Variants in SCN7A observed in about 807,000 individuals in gnomAD.
SCN7A encodes the protein sodium channel protein type 7 subunit alpha.
A neutral mutation model predicts 155.2 loss-of-function variants in SCN7A; 138 were observed. The ratio of observed to expected loss-of-function variants is 0.89; its 90% CI spans 0.77 to 1.02. The LOEUF (loss-of-function observed/expected upper bound fraction) is 1.02, where lower values mean the gene tolerates loss of function less well. Among genes scored for constraint, SCN7A ranks in the 50% least tolerant of loss-of-function variants. SCN7A has a pLI of 0.00. For synonymous variants in SCN7A, 693 were observed against 649.0 expected (o/e 1.07, Z -1.03); for missense variants, 2,058 against 1,986.6 (o/e 1.04, Z -0.68).
At chr2:166,463,947 T>C (rs1702467841) in intron 9 of SCN7A, among the ~76,000 whole-genome samples, 1 of 151,882 alleles carries the variant, frequency 6.6e-6, no homozygotes, top group Non-Finnish European at 1.5e-5. Context: ...TCCCAGCTAC[T>C]TGAGAGGCAG....
chr2:166,483,933 T>TA (rs1166759040), intron 2 of SCN7A, among the ~76,000 whole-genome samples: 1 of 151,962 alleles, frequency 6.6e-6, no homozygotes, highest in African/African-American at 2.4e-5. Context: ...GTGCAGCCAC[T>TA]AAAAAAGATT....
intron 21 of SCN7A, chr2:166,414,478 T>TAC: frequency 7.1e-6 from 1 of 139,982 alleles, no homozygotes; most frequent in African/African-American, 2.6e-5. Context: ...TATATATATA[T>TAC]ATATATATCT....
At position 166,406,463 on chromosome 2, in the gene SCN7A, A is replaced by G; in HGVS notation, c.4166T>C (p.Leu1389Pro). 6.2e-7 allele frequency: 1 copy of G among 1,612,910 alleles called. No homozygotes were observed. The highest frequency in any genetic ancestry group is 8.5e-7 in the Non-Finnish European group (1 of 1,179,316). Residue 1389 changes from leucine (L) to proline (P), a missense_variant, in exon 26 of 26, where the codon CTG (leucine) becomes CCG (proline). Transcript: ENST00000643258. ...ALLNIILLIF[L>P]VMFIYAVFGM... ...AAATACGGCATAGATGAACATGACC[A>G]GGAAGATGAGAAGAATGATGTTCAA...
At chr2:166,424,566 T>G (rs558225096) in intron 18 of SCN7A, among the ~76,000 whole-genome samples, 1 of 152,214 alleles carries the variant, frequency 6.6e-6, no homozygotes, top group African/African-American at 2.4e-5. Flanking sequence ...GCAAGATACG[T>G]AACTTAGGAT....
chr2:166,408,502 G>A (rs528658983), intron 25 of SCN7A, among the ~76,000 whole-genome samples: 3 of 152,092 alleles, frequency 2.0e-5, no homozygotes, highest in South Asian at 2.1e-4. Context: ...GACTGCAATT[G>A]CTTTTCCTTC....
intron 1 of SCN7A, among the ~76,000 whole-genome samples, chr2:166,493,387 GA>G (rs1423290076): frequency 7.2e-5 from 11 of 152,098 alleles, no homozygotes; most frequent in African/African-American, 2.7e-4. Context: ...AAAACCTCCA[GA>G]AGAGATGCAT....
chr2:166,447,615 C>G lies in SCN7A; in HGVS notation c.1384G>C (p.Glu462Gln), dbSNP rs756217412. The G allele has an allele frequency of 6.2e-7, 1 of 1,603,192 alleles. No individual in the cohort carries two copies. The highest frequency in any genetic ancestry group is 1.7e-5 in the Admixed American group (1 of 59,816). ...GTCTACTTATTTAGTACTTTACCTT[C>G]CTTATGTCTGAGAGTAGCATCTTCC... ...VLEDATLRHK[E>Q]ELEKSKKICP... Residue 462 changes from glutamate to glutamine, a missense_variant, in exon 12 of 26, where the codon GAA becomes CAA. Coordinates refer to ENST00000643258, the MANE Select transcript of SCN7A (RefSeq NM_002976.4).
intron 7 of SCN7A, among the ~76,000 whole-genome samples, chr2:166,467,331 C>A (rs1702556436): frequency 6.6e-6 from 1 of 151,692 alleles, no homozygotes; most frequent in Non-Finnish European, 1.5e-5. Context: ...GGTGTATTTG[C>A]ACTGTGTGCT....
intron 21 of SCN7A, among the ~76,000 whole-genome samples, chr2:166,416,035 G>A (rs1226281349): frequency 3.3e-5 from 5 of 152,062 alleles, no homozygotes; most frequent in Non-Finnish European, 7.4e-5. Flanking sequence ...TTCCTGGAGA[G>A]AGGTCTATAA....
chr2:166,425,352 G>A (rs1385198658), intron 18 of SCN7A, among the ~76,000 whole-genome samples: 1 of 152,118 alleles, frequency 6.6e-6, no homozygotes, highest in Non-Finnish European at 1.5e-5. Flanking sequence ...TGGTACCTAT[G>A]CAAGACCTAG....
At chr2:166,490,530 G>A (rs553275580) in intron 1 of SCN7A, among the ~76,000 whole-genome samples, 1 of 152,102 alleles carries the variant, frequency 6.6e-6, no homozygotes, top group Non-Finnish European at 1.5e-5. Flanking sequence ...AGAAACCTAA[G>A]TATCCATCAA....
At chr2:166,440,375 G>A (rs984538373) in intron 15 of SCN7A, among the ~76,000 whole-genome samples, 1 of 152,128 alleles carries the variant, frequency 6.6e-6, no homozygotes, top group Non-Finnish European at 1.5e-5. Flanking sequence ...AAATCACCTG[G>A]GAACAGTGTT....
At chr2:166,433,033 C>G (rs1291994087) in intron 15 of SCN7A, among the ~76,000 whole-genome samples, 2 of 152,110 alleles carry the variant, frequency 1.3e-5, no homozygotes, top group African/African-American at 4.8e-5. Flanking sequence ...CATCATTCTG[C>G]TCTCTACTTC....
chr2:166,452,540 GTCAA>G (rs766181197), intron 11 of SCN7A, among the ~76,000 whole-genome samples: 1 of 151,986 alleles, frequency 6.6e-6, no homozygotes, highest in African/African-American at 2.4e-5. Context: ...TTGTACAATT[GTCAA>G]TCATTTTTTA....
chr2:166,450,744 A>T (rs901362432), intron 11 of SCN7A, among the ~76,000 whole-genome samples: 5 of 152,018 alleles, frequency 3.3e-5, no homozygotes, highest in African/African-American at 1.2e-4. Context: ...CAGTGAGACC[A>T]GATTGCGCCA....
Position 166,474,258 on chromosome 2 carries a change from A to G in SCN7A, c.321T>C (p.Ile107=), listed in dbSNP as rs1444343956. ...CCAAAACCTTGATAGTTGTTCTTCT[A>G]ATACAATTGAAAGGAGACAATGTAC... ...ILCTLSPFNC[I]RRTTIKVLVH... is the part of the protein sequence containing the mutation. The change falls in exon 4 of 26, where the codon ATT becomes ATC. Residue 107 remains isoleucine (I), a synonymous_variant. Coordinates refer to ENST00000643258, the MANE Select transcript of SCN7A (RefSeq NM_002976.4). 2 of 1,518,928 alleles carry G rather than the reference A, an allele frequency of 1.3e-6. No homozygotes were observed. The highest frequency in any genetic ancestry group is 1.8e-6 in the Non-Finnish European group (2 of 1,127,414). The allele number at this position is 1,518,928 out of a possible 1,614,324, so 94.1% of individuals were successfully genotyped here.
chr2:166,467,516 C>G (rs1019731518), intron 7 of SCN7A, among the ~76,000 whole-genome samples: 2 of 149,970 alleles, frequency 1.3e-5, no homozygotes, highest in African/African-American at 4.9e-5. Context: ...CACACACACA[C>G]AGATAGATAG....
At chr2:166,470,528 C>T in intron 7 of SCN7A, 87 bp downstream of exon 7, 1 of 1,107,694 alleles carries the variant, frequency 9.0e-7, no homozygotes, top group Middle Eastern at 3.1e-4. Context: ...TTCAATATTT[C>T]CTCTGAACAA....
At chr2:166,460,875 A>C (rs1004708074) in intron 10 of SCN7A, among the ~76,000 whole-genome samples, 2 of 152,012 alleles carry the variant, frequency 1.3e-5, no homozygotes, top group South Asian at 2.1e-4. Flanking sequence ...AAAAACACTG[A>C]AGGATTTTTA....
Sources: allele counts gnomAD v4.1 joint callset (sites outside exome capture counted in the v4.1 genomes callset), GRCh38; gene constraint gnomAD v4.1.1; transcripts MANE v1.5; gene names NCBI Gene and HGNC (gene_info 2026-07-23, HGNC 2026-07-21).